Variants in MYT1L observed in about 807,000 individuals in gnomAD.
MYT1L encodes the protein myelin transcription factor 1 like, also known as myelin transcription factor 1-like protein.
In MYT1L, 12 loss-of-function variants were observed where a neutral mutation model predicts 126.7. The observed-to-expected ratio is 0.09, with a 90% CI of 0.06 to 0.15. MYT1L has a LOEUF of 0.15. MYT1L is among the 10% of genes least tolerant of loss of function. The pLI is 1.00. For synonymous variants in MYT1L, 541 were observed against 604.2 expected, an observed-to-expected ratio of 0.90 and a Z score of 1.53; for missense variants, 979 against 1,585.2, an observed-to-expected ratio of 0.62 and a Z score of 6.49.
chr2:2,114,072 A>G (rs1194878373), intron 3 of MYT1L, among the ~76,000 whole-genome samples: 1 of 151,698 alleles, frequency 6.6e-6, no homozygotes, highest in East Asian at 1.9e-4. Flanking sequence ...TGCCTCCATT[A>G]TACAGATAGG....
intron 9 of MYT1L, 141 bp downstream of exon 9, chr2:1,942,841 T>C: frequency 3.7e-6 from 4 of 1,082,000 alleles, no homozygotes; most frequent in Non-Finnish European, 5.1e-6. Flanking sequence ...GTTCAGTTCA[T>C]ATAAGAGGTT....
intron 2 of MYT1L, among the ~76,000 whole-genome samples, chr2:2,192,450 T>C (rs955481557): frequency 1.3e-5 from 2 of 151,972 alleles, no homozygotes; most frequent in African/African-American, 4.8e-5. Flanking sequence ...GATGATGCTT[T>C]CTAGCTTCCC....
In MYT1L at chr2:2,173,492, G is replaced by T. The variant is rs2090336406; in HGVS notation, c.-420-504C>A. ...TTATCTTACTATCACAACAACAAAA[G>T]AAATTACCTTCATTAATGGAAATGT... is the stretch of plus-strand genomic sequence containing the variant. On this transcript the variant is annotated intron_variant, in intron 2 of 24. Transcript: ENST00000647738. 2.0e-5 allele frequency among the ~76,000 whole-genome samples: 3 copies of T among 152,136 alleles called. No individual in the cohort carries two copies. The South Asian group carries it at 6.2e-4, about 31-fold the overall frequency.
intron 1 of MYT1L, among the ~76,000 whole-genome samples, chr2:2,329,213 C>T (rs2096269831): frequency 1.4e-5 from 2 of 147,014 alleles, no homozygotes; most frequent in African/African-American, 5.0e-5. Context: ...CTACTATAAT[C>T]ACATTAATGA....
intron 2 of MYT1L, among the ~76,000 whole-genome samples, chr2:2,202,934 G>T (rs969316848): frequency 6.6e-6 from 1 of 151,914 alleles, no homozygotes; most frequent in African/African-American, 2.4e-5. Flanking sequence ...ATGATCAAGT[G>T]GGCTTCATCC....
chr2:1,914,004 C>G (rs1465539050), intron 11 of MYT1L, among the ~76,000 whole-genome samples: 1 of 152,148 alleles, frequency 6.6e-6, no homozygotes, highest in Non-Finnish European at 1.5e-5. Flanking sequence ...ACCTGTAATT[C>G]CAGCACTTTG....
At chr2:1,909,278 G>A (rs776054582) in intron 13 of MYT1L, among the ~76,000 whole-genome samples, 4 of 152,084 alleles carry the variant, frequency 2.6e-5, no homozygotes, top group Non-Finnish European at 5.9e-5. Flanking sequence ...GAAGCAAAGT[G>A]CTGTATATAT....
intron 1 of MYT1L, among the ~76,000 whole-genome samples, chr2:2,289,691 A>T (rs1177501198): frequency 6.6e-6 from 1 of 152,234 alleles, no homozygotes; most frequent in Non-Finnish European, 1.5e-5. Flanking sequence ...GAATAAAAAC[A>T]GGCTATGTGG....
At chr2:2,218,828 G>A (rs948154806) in intron 2 of MYT1L, among the ~76,000 whole-genome samples, 8 of 152,166 alleles carry the variant, frequency 5.3e-5, no homozygotes, top group South Asian at 2.1e-4. Flanking sequence ...TTTCGAAGAC[G>A]TGAAAGAAGC....
chr2:2,196,644 G>A (rs995075768), intron 2 of MYT1L, among the ~76,000 whole-genome samples: 2 of 151,772 alleles, frequency 1.3e-5, no homozygotes, highest in Non-Finnish European at 2.9e-5. Context: ...TAAAGCATTG[G>A]TAATTTCATT....
At chr2:2,256,267 G>A (rs2094810534) in intron 2 of MYT1L, among the ~76,000 whole-genome samples, 1 of 152,224 alleles carries the variant, frequency 6.6e-6, no homozygotes, top group African/African-American at 2.4e-5. Flanking sequence ...CAACTTGAAA[G>A]GCCACACCTG....
At position 1,910,129 on chromosome 2, in the gene MYT1L, G is replaced by A. The variant is rs1054868159; in HGVS notation, c.1817+111C>T. The A allele has an allele frequency of 1.6e-5, 16 of 1,006,888 alleles. No individual in the cohort carries two copies. The highest frequency in any genetic ancestry group is 2.4e-5 in the Non-Finnish European group (16 of 675,898). 62.4% of individuals were successfully genotyped at this position (1,006,888 alleles called of 1,614,324 possible). A position where few individuals can be genotyped will look rare whatever the true frequency, so the allele number is the denominator to read the frequency against. On this transcript the variant is annotated intron_variant, in intron 13 of 24. Coordinates refer to ENST00000647738, the MANE Select transcript of MYT1L (RefSeq NM_001303052.2). This position sits in a 1 kb window ranked among gnomAD's most constrained non-coding sequence, Gnocchi z 4.8. ...GCTTCCAGCACAGCCCCGCCCTCCA[G>A]TCCCTGCCCCTGCTGCTGTAGGGAC...
intron 3 of MYT1L, among the ~76,000 whole-genome samples, chr2:2,056,134 A>C (rs1475589085): frequency 6.6e-6 from 1 of 152,226 alleles, no homozygotes; most frequent in Non-Finnish European, 1.5e-5. Flanking sequence ...CTCCAGGCGC[A>C]CATTCACAAA....
intron 3 of MYT1L, among the ~76,000 whole-genome samples, chr2:2,122,713 T>A (rs991598035): frequency 6.6e-6 from 1 of 152,178 alleles, no homozygotes; most frequent in Non-Finnish European, 1.5e-5. Context: ...CGCTTCTCTG[T>A]CACAGAGAAC....
At chr2:2,215,926 C>T (rs922307103) in intron 2 of MYT1L, among the ~76,000 whole-genome samples, 8 of 152,130 alleles carry the variant, frequency 5.3e-5, no homozygotes, top group African/African-American at 1.9e-4. Flanking sequence ...TCCCTCATGG[C>T]ACGGTACTGT....
intron 13 of MYT1L, among the ~76,000 whole-genome samples, chr2:1,907,037 A>T (rs35850883): frequency 0.027 from 4,142 of 151,758 alleles, 85 homozygotes; most frequent in Non-Finnish European, 0.043. Context: ...GCTTGAGCCC[A>T]GGACATCAAG....
At chr2:2,100,097 A>C (rs2077882644) in intron 3 of MYT1L, among the ~76,000 whole-genome samples, 1 of 152,200 alleles carries the variant, frequency 6.6e-6, no homozygotes, top group Non-Finnish European at 1.5e-5. Flanking sequence ...TATTAAACTT[A>C]AGTCAACATT....
chr2:1,790,318 G>C lies in MYT1L; in HGVS notation c.*1549C>G, dbSNP rs1173295818. 1 of 152,098 alleles carries C rather than the reference G, an allele frequency of 6.6e-6. No individual in the cohort carries two copies. Among genetic ancestry groups the C allele is most frequent in the African/African-American group, 2.4e-5 (1 of 41,400 alleles). The allele number at this position is 152,098 out of a possible 1,614,324, so 9.4% of individuals were successfully genotyped here. A position where few individuals can be genotyped will look rare whatever the true frequency, so the allele number is the denominator to read the frequency against. ...ATAACATCAAGACATGGAAGGAAGA[G>C]ATGCTACTAAATGGAACTCAAGTCA... On this transcript the variant is annotated 3_prime_UTR_variant, in exon 25 of 25. Transcript: ENST00000647738.
chr2:1,894,488 A>G (rs751034972), intron 14 of MYT1L, among the ~76,000 whole-genome samples: 3 of 152,234 alleles, frequency 2.0e-5, no homozygotes, highest in Non-Finnish European at 4.4e-5. Flanking sequence ...GTGATTTTAC[A>G]TAATTTACAA....
Sources: allele counts gnomAD v4.1 joint callset (sites outside exome capture counted in the v4.1 genomes callset), GRCh38; gene constraint gnomAD v4.1.1; non-coding constraint Gnocchi (gnomAD v3.1); transcripts MANE v1.5; gene names NCBI Gene and HGNC (gene_info 2026-07-23, HGNC 2026-07-21).